The following PTDSS1 variants were observed in gnomAD, a reference collection of about 807,000 sequenced individuals.
The protein encoded by PTDSS1 is PSS-1.
In PTDSS1, 45 loss-of-function variants were observed where a neutral mutation model predicts 70.5. The observed-to-expected ratio is 0.64, with a 90% CI of 0.50 to 0.82. PTDSS1 has a LOEUF of 0.82. Ranked by LOEUF, PTDSS1 falls within the 40% of genes least tolerant of loss-of-function variation. The pLI, the probability that PTDSS1 is intolerant of heterozygous loss-of-function variation, is 0.00. For synonymous variants in PTDSS1, 188 were observed against 203.8 expected (o/e 0.92, Z 0.66); for missense variants, 417 against 586.1 (o/e 0.71, Z 2.98).
intron 9 of PTDSS1, among the ~76,000 whole-genome samples, chr8:96,318,714 C>G (rs865950395): frequency 3.9e-5 from 6 of 152,232 alleles, no homozygotes; most frequent in African/African-American, 1.4e-4. Context: ...GGGGAAAAGA[C>G]AGCCCCAGAC....
intron 2 of PTDSS1, among the ~76,000 whole-genome samples, chr8:96,283,300 A>G (rs1810769657): frequency 6.6e-6 from 1 of 152,234 alleles, no homozygotes; most frequent in Non-Finnish European, 1.5e-5. Flanking sequence ...GGCTGTTCAA[A>G]AGGCGTGGGT....
chr8:96,306,336 T>C lies in PTDSS1; in HGVS notation c.895-108T>C, dbSNP rs181208698. The C allele has an allele frequency of 1.6e-3, 1,323 of 813,200 alleles. 2 individuals are homozygous for C. Among genetic ancestry groups the C allele is most frequent in the Non-Finnish European group, 2.4e-3 (1,149 of 488,230 alleles). The allele number at this position is 813,200 out of a possible 1,614,324, so 50.4% of individuals were successfully genotyped here. On this transcript the variant is annotated intron_variant, in intron 7 of 12. Coordinates refer to ENST00000517309, the MANE Select transcript of PTDSS1 (RefSeq NM_014754.3). ...GAAGACCACATCTATTCTCTGAAAATGCTTTGAACATACCAATTATTTCTA... is the reference window on the plus strand; with the variant it reads ...GAAGACCACATCTATTCTCTGAAAACGCTTTGAACATACCAATTATTTCTA...
chr8:96,332,598 T>C (rs1811533260), intron 12 of PTDSS1, among the ~76,000 whole-genome samples: 1 of 152,206 alleles, frequency 6.6e-6, no homozygotes, highest in African/African-American at 2.4e-5. Context: ...TTTAGAACCA[T>C]GCCCTTACAA....
rs563256378 is a variant in PTDSS1, at chr8:96,262,469, C to T, written c.179+250C>T. On this transcript the variant is annotated intron_variant, in intron 1 of 12. Coordinates refer to ENST00000517309, the MANE Select transcript of PTDSS1 (RefSeq NM_014754.3). The surrounding 1 kb of genome is among the most constrained non-coding windows in gnomAD (Gnocchi z 4.4). ...CGCCTCCGGTTACACGGGGAACGCA[C>T]GCGAGTCACCTAGCACGATCGCCCC... is the stretch of plus-strand genomic sequence containing the variant. Among the ~76,000 whole-genome samples, 3 of 152,314 alleles carry T rather than the reference C, an allele frequency of 2.0e-5. No individual in the cohort carries two copies. In the East Asian group the frequency reaches 5.8e-4, roughly 29 times the overall value.
rs186552915 is a variant in PTDSS1, at chr8:96,314,584, C to A, written c.1073+4962C>A. Among the ~76,000 whole-genome samples, 303 of 152,186 alleles carry A rather than the reference C, an allele frequency of 2.0e-3. 1 individual carries two copies. Among genetic ancestry groups the A allele is most frequent in the African/African-American group, 7.0e-3 (289 of 41,538 alleles). ...CTGCACTCAAGTGCACCTCCACTGA[C>A]ATCTCAGAAGCTCTGACAGTAGTTA... On this transcript the variant is annotated intron_variant, in intron 9 of 12. Transcript: ENST00000517309.
chr8:96,283,366 G>A (rs1408239705), intron 2 of PTDSS1, among the ~76,000 whole-genome samples: 2 of 152,200 alleles, frequency 1.3e-5, no homozygotes, highest in African/African-American at 4.8e-5. Flanking sequence ...GCTGTGAGGT[G>A]TAAGGTCAAG....
At chr8:96,289,909 A>C (rs1448448409) in intron 4 of PTDSS1, among the ~76,000 whole-genome samples, 1 of 152,212 alleles carries the variant, frequency 6.6e-6, no homozygotes, top group Non-Finnish European at 1.5e-5. Context: ...AAGGGAGAGA[A>C]TGACGGAGGT....
chr8:96,309,410 G>A, intron 8 of PTDSS1, 147 bp from the exon 9 acceptor site: 1 of 585,732 alleles, frequency 1.7e-6, no homozygotes, highest in Non-Finnish European at 3.0e-6. Context: ...ACAGGCACTG[G>A]CTTTCTCTTC....
chr8:96,298,216 A>C (rs1811002849), intron 5 of PTDSS1, among the ~76,000 whole-genome samples: 1 of 152,208 alleles, frequency 6.6e-6, no homozygotes, highest in South Asian at 2.1e-4. Flanking sequence ...CATCACATGC[A>C]GCAGCTACTC....
intron 2 of PTDSS1, among the ~76,000 whole-genome samples, chr8:96,281,006 C>G (rs1187667112): frequency 6.6e-6 from 1 of 152,116 alleles, no homozygotes; most frequent in African/African-American, 2.4e-5. Context: ...GGGGCTCATG[C>G]CGGGCAGGTG....
At chr8:96,276,316 CTT>C (rs900738329) in intron 2 of PTDSS1, among the ~76,000 whole-genome samples, 2 of 152,212 alleles carry the variant, frequency 1.3e-5, no homozygotes, top group African/African-American at 4.8e-5. Flanking sequence ...TGATGTAACA[CTT>C]TGTGTGATTT....
In PTDSS1 at chr8:96,320,228, T is replaced by C; in HGVS notation, c.1074-18T>C. The C allele has an allele frequency of 6.4e-7, 1 of 1,557,840 alleles. No homozygotes were observed. Among genetic ancestry groups the C allele is most frequent in the Non-Finnish European group, 8.9e-7 (1 of 1,128,882 alleles). On this transcript the variant is annotated intron_variant, in intron 9 of 12. Transcript: ENST00000517309. ...GTAAGATGGATTAATACTTAACCTC[T>C]GTTCTCTGTCTAATTAGGGTCATTG...
In PTDSS1 at chr8:96,269,652, A is replaced by G. The variant is rs562689373; in HGVS notation, c.180-3647A>G. ...CACAAAGCCGTAGGAGACAATTACA[A>G]TCCCACCAAGGGGCCAATCACAGGT... On this transcript the variant is annotated intron_variant, in intron 1 of 12. Transcript: ENST00000517309. 7.2e-5 allele frequency among the ~76,000 whole-genome samples: 11 copies of G among 152,242 alleles called. No homozygotes were observed. In the South Asian group the frequency reaches 1.5e-3, roughly 20 times the overall value.
chr8:96,288,335 T>G (rs1810852213), intron 4 of PTDSS1, among the ~76,000 whole-genome samples: 1 of 151,908 alleles, frequency 6.6e-6, no homozygotes, highest in African/African-American at 2.4e-5. Context: ...GGCATGATCT[T>G]TTTTTTTGAG....
At position 96,322,075 on chromosome 8, in the gene PTDSS1, G is replaced by GC. The variant is rs1368726621; in HGVS notation, c.1173+1733dup. On this transcript the variant is annotated intron_variant, in intron 10 of 12. Transcript: ENST00000517309. ...TTCACCGGGTACCAGAGAACCACCC[G>GC]CCCACAGGGAGGGTGAGACAGGCAG... 3.9e-5 allele frequency among the ~76,000 whole-genome samples: 6 copies of GC among 152,018 alleles called. No homozygotes were observed. The East Asian group carries it at 1.2e-3, about 29-fold the overall frequency.
chr8:96,308,728 G>C (rs931883499), intron 8 of PTDSS1, among the ~76,000 whole-genome samples: 1 of 152,164 alleles, frequency 6.6e-6, no homozygotes, highest in African/African-American at 2.4e-5. Flanking sequence ...TAATATATTT[G>C]TTTAAATATT....
At chr8:96,309,442 G>A (rs1811174434) in intron 8 of PTDSS1, 115 bp from the exon 9 acceptor site, 1 of 825,924 alleles carries the variant, frequency 1.2e-6, no homozygotes, top group Admixed American at 2.0e-5. Context: ...ACTAGACCAG[G>A]CAGCCTGACA....
In PTDSS1 at chr8:96,273,367, T is replaced by C. The variant is rs1276967878; in HGVS notation, c.248T>C (p.Ile83Thr). The C allele has an allele frequency of 1.2e-6, 2 of 1,612,764 alleles. No individual in the cohort carries two copies. Among genetic ancestry groups the C allele is most frequent in the Admixed American group, 3.3e-5 (2 of 59,808 alleles). ...TCTGTTATTTTCTTCTTTCTTATCA[T>C]CAGTGTGTTAGCTTTCCCCAATGGT... Reference protein sequence around the residue: ...ILSVIFFFLIISVLAFPNGPF... With the variant: ...ILSVIFFFLITSVLAFPNGPF... Residue 83 changes from isoleucine to threonine, a missense_variant, in exon 2 of 13, where the codon ATC becomes ACC. Ile to Thr is a moderately conservative substitution (Grantham distance 89). Around this residue, in one of 3 missense-constraint regions of PTDSS1, gnomAD observed 272 missense variants for 429.5 expected, o/e 0.63. Coordinates refer to ENST00000517309, the MANE Select transcript of PTDSS1 (RefSeq NM_014754.3).
intron 5 of PTDSS1, among the ~76,000 whole-genome samples, chr8:96,297,781 T>G (rs1049150837): frequency 6.6e-6 from 1 of 152,234 alleles, no homozygotes; most frequent in Non-Finnish European, 1.5e-5. Context: ...TTTGAAATGC[T>G]CCTCACGTGT....
Sources: gnomAD v4.1 joint callset for allele counts (sites outside exome capture counted in the v4.1 genomes callset) on GRCh38, gnomAD v4.1.1 for gene constraint, gnomAD v4.1.1 regional missense constraint, Gnocchi (gnomAD v3.1) non-coding constraint, MANE v1.5 for transcripts, NCBI Gene and HGNC (gene_info 2026-07-23, HGNC 2026-07-21) for gene names.